The following KLHDC1 variants were observed in gnomAD, a reference collection of about 807,000 sequenced individuals.
KLHDC1 encodes the protein kelch domain-containing protein 1.
A neutral mutation model predicts 68.3 loss-of-function variants in KLHDC1; 53 were observed. The ratio of observed to expected loss-of-function variants is 0.78; its 90% confidence interval spans 0.62 to 0.98. The LOEUF (loss-of-function observed/expected upper bound fraction) is 0.98. Among genes scored for constraint, KLHDC1 ranks in the 50% least tolerant of loss-of-function variants. KLHDC1 has a pLI of 0.00. For synonymous variants in KLHDC1, 148 were observed against 159.0 expected, an observed-to-expected ratio of 0.93 and a Z score of 0.52; for missense variants, 470 against 492.3, an observed-to-expected ratio of 0.95 and a Z score of 0.43.
intron 1 of KLHDC1, among the ~76,000 whole-genome samples, chr14:49,699,864 G>T (rs1446726737): frequency 6.6e-6 from 1 of 152,034 alleles, no homozygotes; most frequent in African/African-American, 2.4e-5. Flanking sequence ...ACAGACTTTG[G>T]TGCTACTGCA....
chr14:49,695,719 A>G (rs1225146998), intron 1 of KLHDC1, among the ~76,000 whole-genome samples: 1 of 152,176 alleles, frequency 6.6e-6, no homozygotes, highest in Non-Finnish European at 1.5e-5. Flanking sequence ...CTAGCTATGA[A>G]AGTCCTAGAT....
At position 49,723,860 on chromosome 14, in the gene KLHDC1, T is replaced by C; in HGVS notation, c.405-14T>C. 6.7e-7 allele frequency: 1 copy of C among 1,489,484 alleles called. No individual in the cohort carries two copies. Among genetic ancestry groups the C allele is most frequent in the Non-Finnish European group, 9.3e-7 (1 of 1,079,466 alleles). 92.3% of individuals were successfully genotyped at this position (1,489,484 alleles called of 1,614,324 possible). A position where few individuals can be genotyped will look rare whatever the true frequency, so the allele number is the denominator to read the frequency against. ...AGAATTCCTAAAGTGTGTCATTTCG[T>C]ATTTGTTTTTCAGACTAATATATTT... On this transcript the variant is annotated splice_polypyrimidine_tract_variant and intron_variant, in intron 4 of 12. Transcript: ENST00000359332.
intron 11 of KLHDC1, 150 bp from the exon 12 acceptor site, chr14:49,743,603 A>G: frequency 1.8e-6 from 1 of 560,768 alleles, no homozygotes. Context: ...ATGTGTGTGC[A>G]TGAATTTATG....
At chr14:49,733,349 G>A (rs191989563) in intron 9 of KLHDC1, among the ~76,000 whole-genome samples, 67 of 152,160 alleles carry the variant, frequency 4.4e-4, no homozygotes, top group African/African-American at 1.6e-3. Context: ...GTAGAACTGT[G>A]GCATCAAGAT....
At chr14:49,723,678 G>A (rs1366091633) in intron 4 of KLHDC1, among the ~76,000 whole-genome samples, 196 bp from the exon 5 acceptor site, 1 of 152,134 alleles carries the variant, frequency 6.6e-6, no homozygotes, top group Non-Finnish European at 1.5e-5. Flanking sequence ...GCAGCTATGG[G>A]TCTCTTCTTT....
intron 1 of KLHDC1, chr14:49,708,218 A>T (rs2139736951): frequency 6.6e-6 from 1 of 151,878 alleles, no homozygotes; most frequent in Non-Finnish European, 1.5e-5. Context: ...TTACAGGCAT[A>T]CGCCACCATG....
At chr14:49,749,001 A>G (rs1474846684) in intron 12 of KLHDC1, among the ~76,000 whole-genome samples, 3 of 151,916 alleles carry the variant, frequency 2.0e-5, no homozygotes, top group African/African-American at 4.8e-5. Flanking sequence ...AGATTTCACC[A>G]TATTGGCCAG....
chr14:49,744,053 G>A (rs1432103167), intron 12 of KLHDC1, among the ~76,000 whole-genome samples: 1 of 152,016 alleles, frequency 6.6e-6, no homozygotes, highest in Non-Finnish European at 1.5e-5. Flanking sequence ...AGAGGACAAA[G>A]CAGGAGGATC....
intron 4 of KLHDC1, among the ~76,000 whole-genome samples, chr14:49,720,584 T>A (rs1464713746): frequency 6.6e-6 from 1 of 152,114 alleles, no homozygotes; most frequent in Non-Finnish European, 1.5e-5. Flanking sequence ...TGGAGTGTGC[T>A]GAGCTTCTTG....
chr14:49,693,244 G>A lies in KLHDC1; in HGVS notation c.50G>A (p.Cys17Tyr), dbSNP rs2139721457. 3 of 1,573,094 alleles carry A rather than the reference G, an allele frequency of 1.9e-6. No homozygotes were observed. The highest frequency in any genetic ancestry group is 1.7e-6 in the Non-Finnish European group (2 of 1,161,766). The change falls in exon 1 of 13, where the codon TGC (cysteine) becomes TAC (tyrosine). Residue 17 changes from cysteine (C) to tyrosine (Y), a missense_variant. Cys to Tyr is a radical substitution (Grantham distance 194). Coordinates refer to ENST00000359332, the MANE Select transcript of KLHDC1 (RefSeq NM_172193.3). ...FCVAEERSGH[C>Y]AVVDGNFLYV... ...GTGGCGGAGGAACGCAGCGGCCACT[G>A]CGCCGTGGTGGACGGAAACTTCCTC...
intron 4 of KLHDC1, among the ~76,000 whole-genome samples, chr14:49,711,449 C>T (rs935411720): frequency 1.6e-4 from 24 of 152,196 alleles, no homozygotes; most frequent in African/African-American, 5.3e-4. Context: ...GTGATCCGCC[C>T]GCCTCGGCCT....
chr14:49,718,757 T>TTTTCTTTC (rs756078539), intron 4 of KLHDC1, among the ~76,000 whole-genome samples: 3 of 86,290 alleles, frequency 3.5e-5, no homozygotes, highest in African/African-American at 4.0e-5. Context: ...TTTCTTTTTC[T>TTTTCTTTC]TTTCTTTCTT....
Position 49,752,633 on chromosome 14 carries a change from T to A in KLHDC1, c.*861T>A, listed in dbSNP as rs1889341936. The A allele has an allele frequency of 6.6e-6, 1 of 152,236 alleles. No homozygotes were observed. Among genetic ancestry groups the A allele is most frequent in the Admixed American group, 6.6e-5 (1 of 15,266 alleles). The allele number at this position is 152,236 out of a possible 1,614,324, so 9.4% of individuals were successfully genotyped here. ...TTGACTTTATAGAAATCCCTCAGTT[T>A]GGCCCCCACCATTCTACAGAGTTGT... On this transcript the variant is annotated 3_prime_UTR_variant, in exon 13 of 13. Transcript: ENST00000359332.
In KLHDC1 at chr14:49,693,255, G is replaced by C. The variant is rs1179020899; in HGVS notation, c.61G>C (p.Asp21His). 6.4e-7 allele frequency: 1 copy of C among 1,570,386 alleles called. No individual in the cohort carries two copies. Among genetic ancestry groups the C allele is most frequent in the African/African-American group, 1.4e-5 (1 of 70,736 alleles). The change falls in exon 1 of 13, where the codon GAC (aspartate) becomes CAC (histidine). Residue 21 changes from aspartate (D) to histidine (H), a missense_variant. Coordinates refer to ENST00000359332, the MANE Select transcript of KLHDC1 (RefSeq NM_172193.3). The stretch of plus-strand genomic sequence containing the variant: ...ACGCAGCGGCCACTGCGCCGTGGTG[G>C]ACGGAAACTTCCTCTACGTGTGGGG... The part of the protein sequence containing the change: ...EERSGHCAVV[D>H]GNFLYVWGGY...
chr14:49,746,879 C>T (rs1342457349), intron 12 of KLHDC1, among the ~76,000 whole-genome samples: 2 of 152,126 alleles, frequency 1.3e-5, no homozygotes, highest in East Asian at 1.9e-4. Flanking sequence ...CTTACACTCC[C>T]TTACTCCTTG....
intron 1 of KLHDC1, among the ~76,000 whole-genome samples, chr14:49,707,021 C>G (rs1238086855): frequency 3.9e-5 from 6 of 152,112 alleles, no homozygotes; most frequent in Non-Finnish European, 8.8e-5. Flanking sequence ...GCTTTGGTGG[C>G]CTGTGCCTGT....
intron 10 of KLHDC1, among the ~76,000 whole-genome samples, chr14:49,736,170 A>G (rs1232752868): frequency 6.6e-6 from 1 of 152,136 alleles, no homozygotes; most frequent in Non-Finnish European, 1.5e-5. Flanking sequence ...AATTGCTCCT[A>G]TTTTATATTT....
At chr14:49,709,595 G>T in intron 2 of KLHDC1, 114 bp from the exon 3 acceptor site, 2 of 524,742 alleles carry the variant, frequency 3.8e-6, no homozygotes, top group Admixed American at 3.6e-5. Flanking sequence ...CCATTACATT[G>T]TAACTGTAAT....
chr14:49,697,290 A>G (rs1261995146), intron 1 of KLHDC1, among the ~76,000 whole-genome samples: 2 of 152,090 alleles, frequency 1.3e-5, no homozygotes, highest in African/African-American at 2.4e-5. Context: ...AAGGAGAGGG[A>G]GAGAGAGGGG....
Sources: allele counts gnomAD v4.1 joint callset (sites outside exome capture counted in the v4.1 genomes callset), GRCh38; gene constraint gnomAD v4.1.1; transcripts MANE v1.5; gene names NCBI Gene and HGNC (gene_info 2026-07-23, HGNC 2026-07-21).